ADAM18: variants seen among roughly 807,000 people sequenced by gnomAD.
ADAM18 encodes ADAM metallopeptidase domain 18, also known as disintegrin and metalloproteinase domain-containing protein 18.
Under a neutral mutation model 94.4 loss-of-function variants are expected in ADAM18, and 117 were observed. The observed-to-expected ratio is 1.24, with a 90% confidence interval of 1.07 to 1.45. The LOEUF (loss-of-function observed/expected upper bound fraction) is 1.45, where lower values mean the gene tolerates loss of function less well. Ranked by LOEUF, ADAM18 falls within the 40% of genes most tolerant of loss-of-function variation. The pLI is 0.00. For missense variants in ADAM18, 936 were observed against 880.0 expected, an observed-to-expected ratio of 1.06 and a Z score of -0.81; for synonymous variants, 327 against 291.6, an observed-to-expected ratio of 1.12 and a Z score of -1.24.
rs147248851 is a variant in ADAM18 at position 39,610,554 on chromosome 8, A to T, written c.370A>T (p.Ser124Cys). ...GGGATTTCTCCAGTTTGAAAATATC[A>T]GTTATGGAATTGAACCAGTAGAATC... ...LRGFLQFENI[S>C]YGIEPVESSA... Residue 124 changes from serine (S) to cysteine (C), a missense_variant, in exon 6 of 20, where the codon AGT (serine) becomes TGT (cysteine). By Grantham distance (112) the Ser-to-Cys change is moderately radical (BLOSUM62 -1). Coordinates refer to ENST00000265707, the MANE Select transcript of ADAM18 (RefSeq NM_014237.3). 13 of 1,607,652 alleles carry T rather than the reference A, an allele frequency of 8.1e-6. No homozygotes were observed. In the African/African-American group the frequency reaches 1.3e-4, roughly 17 times the overall value.
chr8:39,648,120 C>A (rs1007426371), intron 11 of ADAM18, among the ~76,000 whole-genome samples: 2 of 152,128 alleles, frequency 1.3e-5, no homozygotes, highest in African/African-American at 2.4e-5. Flanking sequence ...AACCACCATA[C>A]CTTATTGCAT....
intron 17 of ADAM18, among the ~76,000 whole-genome samples, chr8:39,696,959 T>C (rs925649425): frequency 6.6e-6 from 1 of 151,608 alleles, no homozygotes; most frequent in Non-Finnish European, 1.5e-5. Flanking sequence ...GCTTGGGTAG[T>C]ATTGTCATCT....
chr8:39,729,811 T>C, intron 19 of ADAM18, 87 bp from the exon 20 acceptor site: 1 of 1,042,614 alleles, frequency 9.6e-7, no homozygotes, highest in East Asian at 2.4e-5. Context: ...AAGTAGAAAT[T>C]CAGTAGTAAA....
At chr8:39,658,066 G>T (rs1458850392) in intron 12 of ADAM18, among the ~76,000 whole-genome samples, 1 of 152,136 alleles carries the variant, frequency 6.6e-6, no homozygotes, top group African/African-American at 2.4e-5. Context: ...GAATCTTTGA[G>T]CTGAGATTAC....
rs139013292 is a variant in ADAM18 at position 39,714,792 on chromosome 8, C to A, written c.2017+7888C>A. Among the ~76,000 whole-genome samples, 282 of 152,174 alleles carry A rather than the reference C, an allele frequency of 1.9e-3. 3 individuals are homozygous for A. The highest frequency in any genetic ancestry group is 6.3e-3 in the African/African-American group (261 of 41,536). On this transcript the variant is annotated intron_variant, in intron 18 of 19. Transcript: ENST00000265707. ...AAAACTGTGACTTGAAATGAAAGGA[C>A]ATACAATGAAACCATCTTTTCTCAT...
chr8:39,702,890 G>T (rs1355288210), intron 17 of ADAM18, among the ~76,000 whole-genome samples: 1 of 152,146 alleles, frequency 6.6e-6, no homozygotes, highest in Non-Finnish European at 1.5e-5. Context: ...CTGTAGTCCT[G>T]TGATATAGTT....
At chr8:39,609,814 A>G (rs563291670) in intron 5 of ADAM18, among the ~76,000 whole-genome samples, 2 of 152,296 alleles carry the variant, frequency 1.3e-5, no homozygotes, top group Non-Finnish European at 2.9e-5. Flanking sequence ...TATCTCCTTA[A>G]GTATGATTGT....
intron 4 of ADAM18, 52 bp from the exon 5 acceptor site, chr8:39,609,433 A>C: frequency 1.6e-6 from 2 of 1,284,266 alleles, no homozygotes; most frequent in Non-Finnish European, 1.1e-6. Flanking sequence ...TTGACAATAC[A>C]TTTTTTATTC....
chr8:39,706,802 T>G lies in ADAM18; in HGVS notation c.1915T>G (p.Phe639Val), dbSNP rs759268867. The stretch of plus-strand genomic sequence containing the variant: ...TTTTCTGTTTCAGATATGTAATAAT[T>G]TTGGTAATTGTCAATGCTTCCCTGG... ...KCKGKGICNN[F>V]GNCQCFPGHR... The change falls in exon 18 of 20, where the codon TTT becomes GTT. Residue 639 changes from phenylalanine (F) to valine (V), a missense_variant. Coordinates refer to ENST00000265707, the MANE Select transcript of ADAM18 (RefSeq NM_014237.3). 6.3e-6 allele frequency: 10 copies of G among 1,597,736 alleles called. No individual in the cohort carries two copies. The highest frequency in any genetic ancestry group is 8.6e-6 in the Non-Finnish European group (10 of 1,167,038).
intron 12 of ADAM18, 35 bp downstream of exon 12, chr8:39,648,562 TTA>T (rs1820447577): frequency 1.3e-6 from 2 of 1,557,132 alleles, no homozygotes; most frequent in African/African-American, 2.7e-5. Flanking sequence ...AGCACAATTT[TTA>T]TGTTTCTGAT....
At chr8:39,700,906 A>G (rs903539306) in intron 17 of ADAM18, among the ~76,000 whole-genome samples, 4 of 151,604 alleles carry the variant, frequency 2.6e-5, no homozygotes, top group Non-Finnish European at 4.4e-5. Context: ...CGAGGTCAGG[A>G]GATCGAGACC....
chr8:39,585,395 G>A, intron 2 of ADAM18, 43 bp downstream of exon 2: 1 of 1,424,500 alleles, frequency 7.0e-7, no homozygotes, highest in Admixed American at 1.9e-5. Flanking sequence ...AAGCTTTATG[G>A]CAATTTTTAT....
intron 15 of ADAM18, among the ~76,000 whole-genome samples, chr8:39,679,154 T>G (rs1821373148): frequency 6.6e-6 from 1 of 152,206 alleles, no homozygotes; most frequent in Non-Finnish European, 1.5e-5. Context: ...CTTCTTGGTG[T>G]AATTAAGCTT....
rs199835295 is a variant in ADAM18, at chr8:39,637,539, G to A, written c.663G>A (p.Met221Ile). 402 of 1,606,246 alleles carry A rather than the reference G, an allele frequency of 2.5e-4. 2 individuals are homozygous for A. The highest frequency in any genetic ancestry group is 4.3e-5 in the Non-Finnish European group (50 of 1,176,366). Residue 221 changes from methionine (M) to isoleucine (I), a missense_variant and splice_region_variant, in exon 9 of 20, where the codon ATG becomes ATA. Transcript: ENST00000265707. ...IVQVIGLVNTMFTQFKLTVIL... is the reference protein window; with the variant it reads ...IVQVIGLVNTIFTQFKLTVIL... ...TGTACAATACATCTTATTTTTAGAT[G>A]TTTACCCAGTTCAAATTGACTGTTA... is the stretch of plus-strand genomic sequence containing the variant.
chr8:39,722,209 GTGTGTGTGTATATATATATA>G (rs1822772924), intron 18 of ADAM18, among the ~76,000 whole-genome samples: 1 of 73,158 alleles, frequency 1.4e-5, no homozygotes, highest in Non-Finnish European at 2.3e-5. Context: ...GTGTGTGTGT[GTGTGTGTGTATATATATATA>G]TATATATATA....
chr8:39,611,711 A>G, intron 6 of ADAM18: 1 of 613,296 alleles, frequency 1.6e-6, no homozygotes, highest in Non-Finnish European at 2.0e-6. Context: ...TGCAGATTAA[A>G]TCATTATCCA....
At chr8:39,609,343 C>CT (rs537123139) in intron 4 of ADAM18, 142 bp from the exon 5 acceptor site, 1,073 of 681,076 alleles carry the variant, frequency 1.6e-3, no homozygotes, top group Non-Finnish European at 1.9e-3. Flanking sequence ...TGTCACAAAT[C>CT]TTTTTTTTTC....
chr8:39,663,024 T>C (rs767837562), intron 12 of ADAM18, among the ~76,000 whole-genome samples: 1 of 152,174 alleles, frequency 6.6e-6, no homozygotes, highest in Non-Finnish European at 1.5e-5. Context: ...TACATAAATA[T>C]ATACTAAGTA....
chr8:39,635,198 T>C (rs1482139537), intron 7 of ADAM18, among the ~76,000 whole-genome samples: 1 of 152,226 alleles, frequency 6.6e-6, no homozygotes, highest in Non-Finnish European at 1.5e-5. Flanking sequence ...AATAGATTTC[T>C]CTTTTTTATA....
Sources: gnomAD v4.1 joint callset for allele counts (sites outside exome capture counted in the v4.1 genomes callset) on GRCh38, gnomAD v4.1.1 for gene constraint, MANE v1.5 for transcripts, NCBI Gene and HGNC (gene_info 2026-07-23, HGNC 2026-07-21) for gene names.